KCNH5: variants seen among roughly 807,000 people sequenced by gnomAD.
KCNH5 encodes voltage-gated delayed rectifier potassium channel KCNH5.
Under a neutral mutation model 96.1 loss-of-function variants are expected in KCNH5, and 46 were observed. That is an observed-to-expected ratio of 0.48 (90% CI 0.38 to 0.61). The LOEUF is 0.61. Ranked by LOEUF, KCNH5 falls within the 20% of genes least tolerant of loss-of-function variation. The pLI, the probability that KCNH5 is intolerant of heterozygous loss-of-function variation, is 0.00. For missense variants in KCNH5, 907 were observed against 1,225.8 expected, an observed-to-expected ratio of 0.74 and a Z score of 3.88; for synonymous variants, 439 against 449.8, an observed-to-expected ratio of 0.98 and a Z score of 0.30.
chr14:62,790,167 T>G (rs1196407379), intron 9 of KCNH5, among the ~76,000 whole-genome samples: 1 of 151,844 alleles, frequency 6.6e-6, no homozygotes, highest in Non-Finnish European at 1.5e-5. Flanking sequence ...ACTATTAATT[T>G]CCCATTGTGG....
intron 7 of KCNH5, among the ~76,000 whole-genome samples, chr14:62,914,809 G>A (rs1007429745): frequency 3.3e-5 from 5 of 152,170 alleles, no homozygotes; most frequent in Non-Finnish European, 1.5e-5. Context: ...TCTTACAGCA[G>A]CCCAAATAGA....
chr14:62,789,607 T>C (rs1394529320), intron 9 of KCNH5, among the ~76,000 whole-genome samples: 1 of 152,028 alleles, frequency 6.6e-6, no homozygotes, highest in Non-Finnish European at 1.5e-5. Context: ...TCTAGTCTTT[T>C]TGATAATAGT....
chr14:62,935,269 C>T (rs1226298389), intron 7 of KCNH5, among the ~76,000 whole-genome samples: 2 of 152,148 alleles, frequency 1.3e-5, no homozygotes, highest in Admixed American at 1.3e-4. Context: ...ATACATTTAT[C>T]TCTTCAAGGA....
intron 8 of KCNH5, 112 bp from the exon 9 acceptor site, chr14:62,802,693 C>CA: frequency 7.7e-7 from 1 of 1,295,226 alleles, no homozygotes; most frequent in Non-Finnish European, 1.1e-6. Context: ...TACACTGCTA[C>CA]ACACCTTGCT....
chr14:62,895,543 G>C (rs1375006779), intron 7 of KCNH5, among the ~76,000 whole-genome samples: 1 of 152,082 alleles, frequency 6.6e-6, no homozygotes, highest in Non-Finnish European at 1.5e-5. Flanking sequence ...ATGTTGTCCA[G>C]GCTGGTCTCA....
At chr14:62,861,082 G>C (rs904508622) in intron 7 of KCNH5, among the ~76,000 whole-genome samples, 3 of 152,094 alleles carry the variant, frequency 2.0e-5, no homozygotes. Flanking sequence ...TAAAACTTCA[G>C]CTGAATACAA....
rs774704600 is a variant in KCNH5, at chr14:62,708,165, G to A, written c.2310C>T (p.Thr770=). The A allele has an allele frequency of 1.2e-6, 2 of 1,614,094 alleles. No individual in the cohort carries two copies. The highest frequency in any genetic ancestry group is 4.5e-5 in the East Asian group (2 of 44,896). ...GGTTGTTCTGCTTAAGGGATTCACT[G>A]GTTTTCACATAGGCCAGAGACGTCT... is the stretch of plus-strand genomic sequence containing the variant. The part of the protein sequence containing the change: ...PIQTSLAYVK[T]SESLKQNNRD... Residue 770 remains threonine (T), a synonymous_variant, in exon 11 of 11, where the codon ACC becomes ACT. Coordinates refer to ENST00000322893, the MANE Select transcript of KCNH5 (RefSeq NM_139318.5).
At chr14:62,777,252 G>C (rs896147155) in intron 10 of KCNH5, among the ~76,000 whole-genome samples, 1 of 152,156 alleles carries the variant, frequency 6.6e-6, no homozygotes, top group Non-Finnish European at 1.5e-5. Flanking sequence ...AAACAACATG[G>C]TAGTCTAAAA....
intron 8 of KCNH5, among the ~76,000 whole-genome samples, chr14:62,841,141 G>A (rs748584537): frequency 1.3e-5 from 2 of 151,602 alleles, no homozygotes; most frequent in South Asian, 2.1e-4. Flanking sequence ...GAGTGGAGAG[G>A]AGAAAGCTAC....
intron 6 of KCNH5, among the ~76,000 whole-genome samples, chr14:62,964,632 T>C (rs1890271818): frequency 6.6e-6 from 1 of 152,146 alleles, no homozygotes; most frequent in African/African-American, 2.4e-5. Flanking sequence ...TTTAAGAAAC[T>C]TTCTATCGTA....
At chr14:62,709,836 C>T (rs952140772) in intron 10 of KCNH5, among the ~76,000 whole-genome samples, 2 of 152,090 alleles carry the variant, frequency 1.3e-5, no homozygotes, top group Non-Finnish European at 2.9e-5. Context: ...AAAGTAACTG[C>T]AGGTGAAGGC....
chr14:62,995,302 T>G (rs907655423), intron 4 of KCNH5, among the ~76,000 whole-genome samples: 1 of 152,096 alleles, frequency 6.6e-6, no homozygotes, highest in African/African-American at 2.4e-5. Flanking sequence ...GGGATTACAT[T>G]CTGATTTTGC....
chr14:62,938,508 C>T (rs2140121439), intron 7 of KCNH5, among the ~76,000 whole-genome samples: 1 of 152,300 alleles, frequency 6.6e-6, no homozygotes, highest in South Asian at 2.1e-4. Context: ...TGCCTAAAGG[C>T]CTTTGGTATG....
At chr14:62,804,428 G>T (rs931228411) in intron 8 of KCNH5, among the ~76,000 whole-genome samples, 1 of 152,020 alleles carries the variant, frequency 6.6e-6, no homozygotes, top group African/African-American at 2.4e-5. Context: ...TTCCACAATG[G>T]GTCACATCAC....
At chr14:62,855,938 A>G (rs1430864181) in intron 7 of KCNH5, among the ~76,000 whole-genome samples, 2 of 152,048 alleles carry the variant, frequency 1.3e-5, no homozygotes, top group East Asian at 3.8e-4. Context: ...AAAAAGACAG[A>G]CATAATCCCC....
intron 2 of KCNH5, among the ~76,000 whole-genome samples, chr14:63,009,552 C>A (rs1030556386): frequency 5.3e-5 from 8 of 152,068 alleles, no homozygotes; most frequent in African/African-American, 1.9e-4. Flanking sequence ...AGTGATAGAA[C>A]ATGTATTTGA....
intron 7 of KCNH5, among the ~76,000 whole-genome samples, chr14:62,940,457 A>T (rs1889766199): frequency 6.6e-6 from 1 of 152,180 alleles, no homozygotes; most frequent in Non-Finnish European, 1.5e-5. Flanking sequence ...TATCTCCTCC[A>T]ATTCATTGTC....
intron 8 of KCNH5, among the ~76,000 whole-genome samples, chr14:62,831,354 T>C (rs1887344936): frequency 6.6e-6 from 1 of 152,196 alleles, no homozygotes; most frequent in African/African-American, 2.4e-5. Context: ...ACTTTATTTG[T>C]TCCCCCTCTT....
chr14:62,942,464 C>G (rs1379741338), intron 7 of KCNH5, among the ~76,000 whole-genome samples: 1 of 152,146 alleles, frequency 6.6e-6, no homozygotes, highest in Non-Finnish European at 1.5e-5. Flanking sequence ...CTCAGCTTGA[C>G]TTTTATCTGA....
Sources: allele counts gnomAD v4.1 joint callset (sites outside exome capture counted in the v4.1 genomes callset), GRCh38; gene constraint gnomAD v4.1.1; transcripts MANE v1.5; gene names NCBI Gene and HGNC (gene_info 2026-07-23, HGNC 2026-07-21).